TEK: variants seen among roughly 807,000 people sequenced by gnomAD.
TEK encodes the protein TEK receptor tyrosine kinase, also known as angiopoietin-1 receptor.
TEK carries 43 observed loss-of-function variants against 131.8 expected under a neutral mutation model. That is an observed-to-expected ratio of 0.33 (90% CI 0.26 to 0.42). The LOEUF (loss-of-function observed/expected upper bound fraction) is 0.42, where lower values mean the gene tolerates loss of function less well. TEK is among the 10% of genes least tolerant of loss of function. The probability of loss-of-function intolerance (pLI) is 1.00; values close to 1 mark genes in which losing one functional copy is unlikely to be tolerated. For missense variants in TEK, 1,162 were observed against 1,384.4 expected (o/e 0.84, Z 2.55); for synonymous variants, 580 against 491.6 (o/e 1.18, Z -2.38).
At chr9:27,213,043 A>G in intron 17 of TEK, 146 bp downstream of exon 17, 1 of 835,530 alleles carries the variant, frequency 1.2e-6, no homozygotes, top group Non-Finnish European at 1.8e-6. Flanking sequence ...TGAATAGTCC[A>G]TCTATTTAAA....
intron 1 of TEK, among the ~76,000 whole-genome samples, 183 bp from the exon 2 acceptor site, chr9:27,157,648 G>A (rs991632682): frequency 6.6e-6 from 1 of 152,184 alleles, no homozygotes; most frequent in African/African-American, 2.4e-5. Context: ...AGCTGATGAA[G>A]GGTCTTGATG....
At chr9:27,135,457 T>C (rs1822388538) in intron 1 of TEK, among the ~76,000 whole-genome samples, 1 of 152,120 alleles carries the variant, frequency 6.6e-6, no homozygotes. Context: ...TCTCAAAATT[T>C]TAGGGAATCA....
intron 6 of TEK, among the ~76,000 whole-genome samples, chr9:27,174,398 T>C (rs987895749): frequency 3.9e-5 from 6 of 152,210 alleles, no homozygotes; most frequent in African/African-American, 1.4e-4. Context: ...AATTTTCTAG[T>C]GTCCACATTA....
At chr9:27,210,698 G>C (rs1825579658) in intron 16 of TEK, 2 of 152,154 alleles carry the variant, frequency 1.3e-5, no homozygotes, top group Admixed American at 1.3e-4. Flanking sequence ...GTTGCAGTTG[G>C]TCTTTAGGGA....
intron 1 of TEK, among the ~76,000 whole-genome samples, chr9:27,135,037 C>T (rs1305774522): frequency 1.3e-5 from 2 of 152,106 alleles, no homozygotes; most frequent in African/African-American, 4.8e-5. Context: ...CCAGCCTGCC[C>T]AACATGGAGA....
At chr9:27,175,190 A>C (rs946683149) in intron 6 of TEK, among the ~76,000 whole-genome samples, 18 of 131,068 alleles carry the variant, frequency 1.4e-4, no homozygotes, top group Non-Finnish European at 7.8e-5. Flanking sequence ...TCCTGTGTTC[A>C]TGTGTTCTCA....
At chr9:27,219,283 C>G (rs551092995) in intron 20 of TEK, among the ~76,000 whole-genome samples, 1 of 152,054 alleles carries the variant, frequency 6.6e-6, no homozygotes, top group Non-Finnish European at 1.5e-5. Flanking sequence ...ACATATACAC[C>G]GTGGAATACT....
chr9:27,224,724 C>T (rs975721118), intron 21 of TEK, among the ~76,000 whole-genome samples: 18 of 152,302 alleles, frequency 1.2e-4, no homozygotes, highest in African/African-American at 4.1e-4. Flanking sequence ...TCTCGCCCCT[C>T]CTGTTCAACG....
intron 1 of TEK, among the ~76,000 whole-genome samples, chr9:27,149,361 A>C (rs1280279716): frequency 2.6e-5 from 4 of 152,188 alleles, no homozygotes; most frequent in African/African-American, 9.7e-5. Context: ...TAACCTATAA[A>C]ATTGAGTGTA....
chr9:27,191,508 G>A (rs1482158823), intron 10 of TEK, among the ~76,000 whole-genome samples: 2 of 151,596 alleles, frequency 1.3e-5, no homozygotes, highest in Admixed American at 6.6e-5. Flanking sequence ...GTCCTCCTCC[G>A]CCCATACCTT....
rs181470623 is a variant in TEK at position 27,176,992 on chromosome 9, A to G, written c.902-3248A>G. On this transcript the variant is annotated intron_variant, in intron 6 of 22. Coordinates refer to ENST00000380036, the MANE Select transcript of TEK (RefSeq NM_000459.5). Reference sequence around the variant, plus strand: ...ACTTAGCATGGTGCCCTCCAGGTTCATCCGTGTTGTTGCAAATGACAGGAT... The same window carrying G: ...ACTTAGCATGGTGCCCTCCAGGTTCGTCCGTGTTGTTGCAAATGACAGGAT... Among the ~76,000 whole-genome samples, 176 of 152,306 alleles carry G rather than the reference A, an allele frequency of 1.2e-3. 2 individuals carry two copies. Among genetic ancestry groups the G allele is most frequent in the African/African-American group, 4.0e-3 (167 of 41,570 alleles).
At chr9:27,215,315 GT>G (rs61497257) in intron 18 of TEK, among the ~76,000 whole-genome samples, 36,515 of 151,940 alleles carry the variant, frequency 0.24, 4,434 homozygotes, top group African/African-American at 0.28. Flanking sequence ...AAAGGGCCAG[GT>G]TTGAGGGAAG....
intron 1 of TEK, 35 bp from the exon 2 acceptor site, chr9:27,157,796 C>T (rs1478870378): frequency 1.9e-6 from 3 of 1,610,574 alleles, no homozygotes; most frequent in Non-Finnish European, 2.5e-6. Flanking sequence ...TGTTAATAAC[C>T]TTAGTCATAC....
chr9:27,214,385 C>G (rs1029420696), intron 18 of TEK, among the ~76,000 whole-genome samples: 1 of 152,170 alleles, frequency 6.6e-6, no homozygotes, highest in Admixed American at 6.5e-5. Flanking sequence ...GTGGATGGCT[C>G]TCCCTTTTTT....
At chr9:27,181,854 T>C (rs1023081466) in intron 7 of TEK, among the ~76,000 whole-genome samples, 5 of 152,230 alleles carry the variant, frequency 3.3e-5, no homozygotes, top group Admixed American at 6.6e-5. Context: ...ATAAATGCCA[T>C]TGAAATAAAT....
chr9:27,204,819 TC>T, intron 13 of TEK, 91 bp from the exon 14 acceptor site: 1 of 1,565,252 alleles, frequency 6.4e-7, no homozygotes, highest in Non-Finnish European at 8.8e-7. Flanking sequence ...GCTGTTAAGT[TC>T]CCATTACACT....
At chr9:27,155,417 C>T (rs995497766) in intron 1 of TEK, among the ~76,000 whole-genome samples, 9 of 152,218 alleles carry the variant, frequency 5.9e-5, no homozygotes, top group Non-Finnish European at 1.2e-4. Context: ...CTCCCTCAAT[C>T]TCATGTAATG....
intron 5 of TEK, 39 bp from the exon 6 acceptor site, chr9:27,173,183 A>G (rs745491213): frequency 7.4e-6 from 12 of 1,613,042 alleles, no homozygotes; most frequent in Non-Finnish European, 1.0e-5. Context: ...AAGGGGTTGC[A>G]TATTTGACTC....
intron 9 of TEK, among the ~76,000 whole-genome samples, chr9:27,187,935 A>G (rs1185256401): frequency 3.3e-5 from 5 of 152,188 alleles, no homozygotes; most frequent in Admixed American, 3.3e-4. Flanking sequence ...CCTTATGTCC[A>G]GATACGGTTA....
Sources: allele counts gnomAD v4.1 joint callset (sites outside exome capture counted in the v4.1 genomes callset), GRCh38; gene constraint gnomAD v4.1.1; transcripts MANE v1.5; gene names NCBI Gene and HGNC (gene_info 2026-07-23, HGNC 2026-07-21).